SYNPO: variants seen among roughly 807,000 people sequenced by gnomAD.
The protein encoded by SYNPO is synaptopodin.
In SYNPO, 19 loss-of-function variants were observed where a neutral mutation model predicts 49.5. The observed-to-expected ratio is 0.38, with a 90% confidence interval of 0.27 to 0.56. The LOEUF (loss-of-function observed/expected upper bound fraction) is 0.56, where lower values mean the gene tolerates loss of function less well. SYNPO is among the 20% of genes least tolerant of loss of function. The probability of loss-of-function intolerance (pLI) is 0.68; values close to 1 mark genes in which losing one functional copy is unlikely to be tolerated. For synonymous variants in SYNPO, 536 were observed against 548.0 expected (o/e 0.98, Z 0.31); for missense variants, 1,131 against 1,248.3 (o/e 0.91, Z 1.42).
upstream of SYNPO, among the ~76,000 whole-genome samples, chr5:150,596,919 T>C (rs999469236): frequency 2.6e-5 from 4 of 152,224 alleles, no homozygotes; most frequent in African/African-American, 7.2e-5. Context: ...TTGCAAGGGC[T>C]GGAAAGCCTC....
Position 150,648,273 on chromosome 5 carries a change from A to G in SYNPO, c.-3A>G. Reference sequence around the variant, plus strand: ...CCCCGACAGAGGGGTCCCTGGCCACAGCATGGAGGGGTACTCAGAGGAGGC... The same window carrying G: ...CCCCGACAGAGGGGTCCCTGGCCACGGCATGGAGGGGTACTCAGAGGAGGC... On this transcript the variant is annotated 5_prime_UTR_variant, in exon 2 of 3. Coordinates refer to ENST00000307662, the MANE Select transcript of SYNPO (RefSeq NM_007286.6). This position sits in a 1 kb window ranked among gnomAD's most constrained non-coding sequence, Gnocchi z 5.0. 6.2e-7 allele frequency: 1 copy of G among 1,614,212 alleles called. No homozygotes were observed. Among genetic ancestry groups the G allele is most frequent in the Non-Finnish European group, 8.5e-7 (1 of 1,180,030 alleles).
intron 2 of SYNPO, among the ~76,000 whole-genome samples, chr5:150,621,191 G>A (rs1463248961): frequency 1.3e-5 from 2 of 152,096 alleles, no homozygotes; most frequent in East Asian, 1.9e-4. Context: ...AACCTCAGGC[G>A]GTCTGCCTGC....
At chr5:150,608,492 C>T (rs1200563914) in intron 1 of SYNPO, 2 of 152,174 alleles carry the variant, frequency 1.3e-5, no homozygotes, top group African/African-American at 4.8e-5. Flanking sequence ...CCTCTCCTCC[C>T]ATGGTTTCTT....
chr5:150,637,695 T>TTTGTCATTA (rs778759760), upstream of SYNPO, among the ~76,000 whole-genome samples: 5 of 152,244 alleles, frequency 3.3e-5, no homozygotes, highest in Non-Finnish European at 7.3e-5. Flanking sequence ...GTGCGGTGAC[T>TTTGTCATTA]TTGTCATTAT....
intron 1 of SYNPO, among the ~76,000 whole-genome samples, chr5:150,601,396 G>C (rs1010749642): frequency 6.6e-6 from 1 of 152,126 alleles, no homozygotes; most frequent in Admixed American, 6.5e-5. Context: ...CCCAGGCAGC[G>C]GGGCAGAGAC....
chr5:150,657,231 G>C lies in SYNPO; in HGVS notation c.*144G>C, dbSNP rs779588534. 4.4e-6 allele frequency: 4 copies of C among 905,114 alleles called. No homozygotes were observed. Among genetic ancestry groups the C allele is most frequent in the Non-Finnish European group, 6.5e-6 (4 of 614,876 alleles). 56.1% of individuals were successfully genotyped at this position (905,114 alleles called of 1,614,324 possible). A position where few individuals can be genotyped will look rare whatever the true frequency, so the allele number is the denominator to read the frequency against. ...GAGCTCTGGGGTTGGGGATGGGTTA[G>C]GGACGCAAGCTTGAGTTCTAGCCCT... On this transcript the variant is annotated 3_prime_UTR_variant, in exon 3 of 3. Coordinates refer to ENST00000307662, the MANE Select transcript of SYNPO (RefSeq NM_007286.6).
rs1391828025 is a variant in SYNPO at position 150,657,021 on chromosome 5, C to T, written c.2646C>T (p.Arg882=). ...TCCTGGGCTACAATATCTGTCCCCG[C>T]GGGTGGAATGGCAGCCTTCGGCTCA... The part of the protein sequence containing the change: ...PGILGYNICP[R]GWNGSLRLKR... Residue 882 remains arginine (R), a synonymous_variant, in exon 3 of 3, where the codon CGC becomes CGT. Coordinates refer to ENST00000307662, the MANE Select transcript of SYNPO (RefSeq NM_007286.6). 1.2e-6 allele frequency: 2 copies of T among 1,602,294 alleles called. No homozygotes were observed. The highest frequency in any genetic ancestry group is 1.7e-6 in the Non-Finnish European group (2 of 1,174,792).
the SYNPO span, among the ~76,000 whole-genome samples, chr5:150,593,996 A>C: frequency 6.6e-6 from 1 of 152,138 alleles, no homozygotes; most frequent in Non-Finnish European, 1.5e-5. Flanking sequence ...GTGAGGTGAT[A>C]ATGAAGTCAG....
chr5:150,601,596 C>T (rs754193), intron 1 of SYNPO, among the ~76,000 whole-genome samples: 53,963 of 152,078 alleles, frequency 0.35, 9,788 homozygotes, highest in Middle Eastern at 0.5. Flanking sequence ...TGTGTGCACA[C>T]GCGAGAGCCT....
chr5:150,641,721 A>T (rs950735618), intron 1 of SYNPO, among the ~76,000 whole-genome samples: 2 of 152,180 alleles, frequency 1.3e-5, no homozygotes, highest in Non-Finnish European at 2.9e-5. Context: ...CTCATCTTTC[A>T]TGCCTTATCA....
At chr5:150,635,455 A>G (rs13180435) in intron 2 of SYNPO, among the ~76,000 whole-genome samples, 60,565 of 152,100 alleles carry the variant, frequency 0.4, 13,705 homozygotes, top group African/African-American at 0.61. Context: ...AGGGCCATTA[A>G]AGAAAACATT....
chr5:150,629,741 T>C (rs1757477591), intron 2 of SYNPO, among the ~76,000 whole-genome samples: 1 of 152,206 alleles, frequency 6.6e-6, no homozygotes. Context: ...CTATGTACCA[T>C]GGGTGCTTTA....
intron 1 of SYNPO, among the ~76,000 whole-genome samples, chr5:150,646,776 C>T (rs1758108975): frequency 6.6e-6 from 1 of 152,030 alleles, no homozygotes; most frequent in South Asian, 2.1e-4. Flanking sequence ...TTTATTAAAA[C>T]ATTTTTGTTT....
chr5:150,650,584 G>A, intron 2 of SYNPO: 1 of 1,453,406 alleles, frequency 6.9e-7, no homozygotes, highest in South Asian at 1.5e-5. Context: ...GTCATGGAGA[G>A]AGAACTGTCT....
chr5:150,624,808 G>T (rs1045765369), intron 2 of SYNPO: 2 of 967,556 alleles, frequency 2.1e-6, no homozygotes, highest in Non-Finnish European at 2.5e-6. Flanking sequence ...CGCGGGGCGG[G>T]GGTGGCGGGG....
At chr5:150,654,724 T>G (rs1175865126) in intron 2 of SYNPO, among the ~76,000 whole-genome samples, 1 of 152,160 alleles carries the variant, frequency 6.6e-6, no homozygotes, top group Non-Finnish European at 1.5e-5. Context: ...TCTCCATCTG[T>G]CAGGGGCATC....
chr5:150,619,614 G>A (rs1468315332), intron 2 of SYNPO, among the ~76,000 whole-genome samples: 3 of 152,198 alleles, frequency 2.0e-5, no homozygotes, highest in Non-Finnish European at 4.4e-5. Context: ...GTCCAGATGG[G>A]GAGGACGTGA....
At position 150,656,659 on chromosome 5, in the gene SYNPO, A is replaced by G; in HGVS notation, c.2284A>G (p.Ile762Val). The change falls in exon 3 of 3, where the codon ATC (isoleucine) becomes GTC (valine). Residue 762 changes from isoleucine (I) to valine (V), a missense_variant. By Grantham distance (29) the Ile-to-Val change is conservative (BLOSUM62 3). Coordinates refer to ENST00000307662, the MANE Select transcript of SYNPO (RefSeq NM_007286.6). The stretch of plus-strand genomic sequence containing the variant: ...GCAGGCGCTTCTGGCGCGAAACATC[A>G]TCAATGCGGCCCGGCGCAAGAGCGC... ...QLQALLARNI[I>V]NAARRKSASP... is the part of the protein sequence containing the mutation. 6.7e-7 allele frequency: 1 copy of G among 1,503,072 alleles called. No individual in the cohort carries two copies. The highest frequency in any genetic ancestry group is 8.8e-7 in the Non-Finnish European group (1 of 1,133,938). 93.1% of individuals were successfully genotyped at this position (1,503,072 alleles called of 1,614,324 possible). A position where few individuals can be genotyped will look rare whatever the true frequency, so the allele number is the denominator to read the frequency against.
At chr5:150,601,631 T>C (rs570306413) in intron 1 of SYNPO, among the ~76,000 whole-genome samples, 1 of 152,330 alleles carries the variant, frequency 6.6e-6, no homozygotes, top group African/African-American at 2.4e-5. Flanking sequence ...GGGGTATTCC[T>C]GCTTGCAGGG....
Sources: allele counts gnomAD v4.1 joint callset (sites outside exome capture counted in the v4.1 genomes callset), GRCh38; gene constraint gnomAD v4.1.1; non-coding constraint Gnocchi (gnomAD v3.1); transcripts MANE v1.5; gene names NCBI Gene and HGNC (gene_info 2026-07-23, HGNC 2026-07-21).